SV2C: variants seen among roughly 807,000 people sequenced by gnomAD.
SV2C encodes solute carrier family 22 member B3.
Under a neutral mutation model 79.7 loss-of-function variants are expected in SV2C, and 49 were observed. The observed-to-expected ratio is 0.61, with a 90% CI of 0.49 to 0.78. The LOEUF (loss-of-function observed/expected upper bound fraction) is 0.78. SV2C is among the 30% of genes least tolerant of loss of function. SV2C has a pLI of 0.00. For synonymous variants in SV2C, 334 were observed against 333.2 expected (o/e 1.00, Z -0.03); for missense variants, 833 against 912.9 (o/e 0.91, Z 1.13).
rs77319117 is a variant in SV2C at position 76,188,981 on chromosome 5, G to A, written c.581-5938G>A. On this transcript the variant is annotated intron_variant, in intron 2 of 12. Coordinates refer to ENST00000502798, the MANE Select transcript of SV2C (RefSeq NM_014979.4). ...ATTAGGTGGGGAGGGTCCATAAGAG[G>A]CCAAAAAGGGAGAGAGGCACCCCAC... 2.1e-3 allele frequency among the ~76,000 whole-genome samples: 319 copies of A among 151,846 alleles called. 13 individuals carry two copies. In the East Asian group the frequency reaches 0.059, roughly 28 times the overall value.
At chr5:76,305,872 C>T (rs1748177121) in intron 12 of SV2C, among the ~76,000 whole-genome samples, 1 of 152,198 alleles carries the variant, frequency 6.6e-6, no homozygotes, top group African/African-American at 2.4e-5. Context: ...CTGACTGGGA[C>T]ATGATGATTT....
upstream of SV2C, chr5:76,078,942 C>T: frequency 1.9e-6 from 1 of 529,020 alleles, no homozygotes; most frequent in South Asian, 1.5e-5. Context: ...GCCTTTCAAA[C>T]AATGTAGAAA....
At chr5:75,896,398 A>AT in the SV2C span, among the ~76,000 whole-genome samples, 1 of 151,296 alleles carries the variant, frequency 6.6e-6, no homozygotes, top group Non-Finnish European at 1.5e-5. Flanking sequence ...TGAACTCATC[A>AT]TTTTTTATGG....
intron 1 of SV2C, among the ~76,000 whole-genome samples, chr5:76,126,255 C>A (rs921985416): frequency 6.6e-6 from 1 of 152,104 alleles, no homozygotes. Flanking sequence ...GAAAGGAAAT[C>A]GTTTCATGAA....
At chr5:76,052,908 A>G in the SV2C span, among the ~76,000 whole-genome samples, 1 of 150,624 alleles carries the variant, frequency 6.6e-6, no homozygotes, top group East Asian at 1.9e-4. Context: ...TTATAATATT[A>G]TATATTAGTA....
the SV2C span, among the ~76,000 whole-genome samples, chr5:76,076,774 A>T: frequency 2.0e-5 from 3 of 152,202 alleles, no homozygotes; most frequent in Non-Finnish European, 2.9e-5. Context: ...TTTACTAAGC[A>T]TCAAGGCAAC....
intron 1 of SV2C, among the ~76,000 whole-genome samples, chr5:76,120,722 A>G (rs957409363): frequency 2.0e-5 from 3 of 150,434 alleles, no homozygotes; most frequent in Non-Finnish European, 4.4e-5. Context: ...GCTGCATAGT[A>G]TTCCATGGTG....
chr5:76,028,701 T>G, the SV2C span, among the ~76,000 whole-genome samples: 1 of 152,104 alleles, frequency 6.6e-6, no homozygotes, highest in Admixed American at 6.6e-5. Context: ...CCAATCAGGG[T>G]TCTCAGCTTT....
intron 3 of SV2C, among the ~76,000 whole-genome samples, chr5:76,197,011 CA>C (rs1744289965): frequency 6.6e-6 from 1 of 152,188 alleles, no homozygotes; most frequent in African/African-American, 2.4e-5. Context: ...ATTCTTCAGC[CA>C]ACAGGTCAGG....
At chr5:76,156,809 T>C (rs1284174663) in intron 2 of SV2C, among the ~76,000 whole-genome samples, 1 of 151,752 alleles carries the variant, frequency 6.6e-6, no homozygotes, top group East Asian at 1.9e-4. Flanking sequence ...AAGAGTAGAT[T>C]TGAACTGACA....
chr5:76,159,893 T>G (rs1464561218), intron 2 of SV2C, among the ~76,000 whole-genome samples: 2 of 152,044 alleles, frequency 1.3e-5, no homozygotes, highest in Non-Finnish European at 2.9e-5. Context: ...AGATACAAAA[T>G]TAATTACTAA....
chr5:75,901,064 T>G, the SV2C span, among the ~76,000 whole-genome samples: 3 of 152,244 alleles, frequency 2.0e-5, no homozygotes, highest in African/African-American at 4.8e-5. Context: ...TTTGATCATC[T>G]GAAGCCTTCT....
At chr5:76,064,916 C>T in the SV2C span, among the ~76,000 whole-genome samples, 1 of 152,102 alleles carries the variant, frequency 6.6e-6, no homozygotes, top group Non-Finnish European at 1.5e-5. Context: ...ACAGAGAAAG[C>T]TATTTTCCTG....
chr5:76,225,157 A>T (rs1378208356), intron 4 of SV2C, among the ~76,000 whole-genome samples: 1 of 152,220 alleles, frequency 6.6e-6, no homozygotes, highest in Non-Finnish European at 1.5e-5. Flanking sequence ...TAAATACGAC[A>T]GAGTGTGATG....
chr5:75,916,321 C>G, the SV2C span, among the ~76,000 whole-genome samples: 1 of 107,464 alleles, frequency 9.3e-6, no homozygotes, highest in Non-Finnish European at 2.1e-5. Context: ...TCGTCCTCTT[C>G]CTCCTCCTCT....
At chr5:76,284,571 G>A (rs1043134781) in intron 4 of SV2C, among the ~76,000 whole-genome samples, 1 of 152,178 alleles carries the variant, frequency 6.6e-6, no homozygotes, top group Admixed American at 6.5e-5. Context: ...AGGGAGGGGT[G>A]GCCAGACCCT....
the SV2C span, among the ~76,000 whole-genome samples, chr5:75,973,107 A>T: frequency 2.0e-5 from 3 of 151,874 alleles, no homozygotes; most frequent in Non-Finnish European, 4.4e-5. Flanking sequence ...GTTCTCCCTC[A>T]TAGGTGAGAA....
chr5:76,251,473 C>T (rs1746115768), intron 4 of SV2C, among the ~76,000 whole-genome samples: 1 of 152,108 alleles, frequency 6.6e-6, no homozygotes, highest in African/African-American at 2.4e-5. Context: ...GATGCTTGAG[C>T]CCAGGAGTTA....
At chr5:76,037,587 G>A in the SV2C span, among the ~76,000 whole-genome samples, 1 of 152,208 alleles carries the variant, frequency 6.6e-6, no homozygotes, top group Non-Finnish European at 1.5e-5. Flanking sequence ...CCCACTTGAG[G>A]AGGCAGTCTG....
Sources: gnomAD v4.1 joint callset for allele counts (sites outside exome capture counted in the v4.1 genomes callset) on GRCh38, gnomAD v4.1.1 for gene constraint, MANE v1.5 for transcripts, NCBI Gene and HGNC (gene_info 2026-07-23, HGNC 2026-07-21) for gene names.